The following FLVCR2 variants were observed in gnomAD, a reference collection of about 807,000 sequenced individuals.
FLVCR2 encodes the protein FLVCR choline and putative heme transporter 2, also known as choline/ethanolamine transporter FLVCR2.
A neutral mutation model predicts 48.9 loss-of-function variants in FLVCR2; 38 were observed. The observed-to-expected ratio is 0.78, with a 90% CI of 0.60 to 1.02. The LOEUF (loss-of-function observed/expected upper bound fraction) is 1.02, where lower values mean the gene tolerates loss of function less well. FLVCR2 is among the 50% of genes least tolerant of loss of function. FLVCR2 has a pLI of 0.00. For missense variants in FLVCR2, 664 were observed against 663.3 expected (o/e 1.00, Z -0.01); for synonymous variants, 255 against 257.0 (o/e 0.99, Z 0.07).
At chr14:75,640,796 G>A in intron 6 of FLVCR2, 159 bp from the exon 7 acceptor site, 4 of 689,328 alleles carry the variant, frequency 5.8e-6, no homozygotes, top group South Asian at 4.6e-5. Context: ...CGTCTCCTTG[G>A]TATGATCACA....
intron 5 of FLVCR2, among the ~76,000 whole-genome samples, chr14:75,636,166 A>G (rs1890163643): frequency 6.6e-6 from 1 of 152,134 alleles, no homozygotes; most frequent in Non-Finnish European, 1.5e-5. Context: ...TGCTCTGTCA[A>G]GGCCTCCAAA....
At position 75,642,759 on chromosome 14, in the gene FLVCR2, C is replaced by T. The variant is rs536871585; in HGVS notation, c.1509+861C>T. Reference sequence around the variant, plus strand: ...TGTCTGTATCCACTTATAATATATACGTGGATATATGAATGTGTGTATATA... The same window carrying T: ...TGTCTGTATCCACTTATAATATATATGTGGATATATGAATGTGTGTATATA... On this transcript the variant is annotated intron_variant, in intron 9 of 9. Coordinates refer to ENST00000238667, the MANE Select transcript of FLVCR2 (RefSeq NM_017791.3). Among the ~76,000 whole-genome samples, 17 of 152,248 alleles carry T rather than the reference C, an allele frequency of 1.1e-4. No homozygotes were observed. The East Asian group carries it at 2.7e-3, about 24-fold the overall frequency.
intron 1 of FLVCR2, among the ~76,000 whole-genome samples, chr14:75,613,248 A>G (rs184126171): frequency 6.6e-6 from 1 of 152,160 alleles, no homozygotes; most frequent in East Asian, 1.9e-4. Flanking sequence ...TACAGGAAGC[A>G]TGGTGCCAGC....
intron 6 of FLVCR2, among the ~76,000 whole-genome samples, chr14:75,639,853 C>T (rs939244369): frequency 3.1e-4 from 47 of 152,152 alleles, no homozygotes; most frequent in African/African-American, 1.0e-3. Flanking sequence ...CATTCTGAGC[C>T]TCAATTTCCT....
intron 6 of FLVCR2, among the ~76,000 whole-genome samples, chr14:75,640,405 T>G (rs1314246278): frequency 6.7e-6 from 1 of 148,396 alleles, no homozygotes; most frequent in African/African-American, 2.5e-5. Flanking sequence ...ATATGAGTGT[T>G]TGTGTGTGTG....
At position 75,589,362 on chromosome 14, in the gene FLVCR2, C is replaced by T. The variant is rs189726742; in HGVS notation, c.669+9721C>T. Among the ~76,000 whole-genome samples, 29 of 152,278 alleles carry T rather than the reference C, an allele frequency of 1.9e-4. No homozygotes were observed. The East Asian group carries it at 2.3e-3, about 12-fold the overall frequency. On this transcript the variant is annotated intron_variant, in intron 1 of 9. Coordinates refer to ENST00000238667, the MANE Select transcript of FLVCR2 (RefSeq NM_017791.3). The stretch of plus-strand genomic sequence containing the variant: ...GGTCCCAATTAAGTCCAAAACTCAA[C>T]GGGGAAAACAACATTAAGTCTTAAA...
intron 8 of FLVCR2, 68 bp downstream of exon 8, chr14:75,641,361 G>A (rs928752869): frequency 3.0e-6 from 3 of 987,202 alleles, no homozygotes; most frequent in East Asian, 2.4e-5. Context: ...TCTCGATGGA[G>A]CAACAGATAG....
intron 3 of FLVCR2, among the ~76,000 whole-genome samples, chr14:75,628,453 C>T (rs1478891133): frequency 1.3e-5 from 2 of 152,216 alleles, no homozygotes; most frequent in Non-Finnish European, 2.9e-5. Flanking sequence ...CCCAGTCCTC[C>T]TAATCCCCTT....
At chr14:75,638,007 A>T (rs1235472197) in intron 5 of FLVCR2, among the ~76,000 whole-genome samples, 1 of 152,134 alleles carries the variant, frequency 6.6e-6, no homozygotes, top group African/African-American at 2.4e-5. Flanking sequence ...GACACAGGGA[A>T]ATGTAACAGG....
rs139495418 is a variant in FLVCR2, at chr14:75,641,863, C to T, written c.1474C>T (p.Arg492Trp). 86 of 1,614,096 alleles carry T rather than the reference C, an allele frequency of 5.3e-5. No homozygotes were observed. The highest frequency in any genetic ancestry group is 1.3e-4 in the South Asian group (12 of 91,080). Residue 492 changes from arginine to tryptophan, a missense_variant, in exon 9 of 10, where the codon CGG (arginine) becomes TGG (tryptophan). Coordinates refer to ENST00000238667, the MANE Select transcript of FLVCR2 (RefSeq NM_017791.3). ...ALTAFIKADL[R>W]RQKANKETLE... ...CTTAGCATTCATTAAGGCAGATCTC[C>T]GGAGACAGAAAGCAAACAAAGAAAC...
At chr14:75,630,288 G>C (rs72723673) in intron 3 of FLVCR2, among the ~76,000 whole-genome samples, 11,379 of 152,192 alleles carry the variant, frequency 0.075, 509 homozygotes, top group South Asian at 0.15. Context: ...GTCTTGAAGC[G>C]CCTTCCCATC....
At chr14:75,593,856 AC>A (rs1810980659) in intron 1 of FLVCR2, among the ~76,000 whole-genome samples, 1 of 152,186 alleles carries the variant, frequency 6.6e-6, no homozygotes, top group Non-Finnish European at 1.5e-5. Flanking sequence ...TTTTTCTCCT[AC>A]GGACACTTTT....
At chr14:75,628,206 C>T (rs577524824) in intron 3 of FLVCR2, among the ~76,000 whole-genome samples, 4 of 152,228 alleles carry the variant, frequency 2.6e-5, no homozygotes, top group Admixed American at 2.6e-4. Flanking sequence ...CCTCCACCTT[C>T]CAGGTTTGAG....
At chr14:75,591,179 A>G (rs2160143) in intron 1 of FLVCR2, among the ~76,000 whole-genome samples, 58,491 of 152,032 alleles carry the variant, frequency 0.38, 13,222 homozygotes, top group East Asian at 0.65. Context: ...AAGTAGCTGG[A>G]ACCACAGGCC....
chr14:75,632,612 G>A (rs1192706649), intron 3 of FLVCR2: 10 of 702,196 alleles, frequency 1.4e-5, no homozygotes, highest in Non-Finnish European at 2.1e-5. Flanking sequence ...GGGTTCTATG[G>A]ATTGGTTCCA....
At chr14:75,645,263 T>C (rs1463380205) in intron 9 of FLVCR2, among the ~76,000 whole-genome samples, 1 of 152,216 alleles carries the variant, frequency 6.6e-6, no homozygotes, top group Non-Finnish European at 1.5e-5. Flanking sequence ...AAGCACCATT[T>C]GTCCACTTGA....
intron 1 of FLVCR2, 50 bp downstream of exon 1, chr14:75,579,691 C>T: frequency 6.3e-7 from 1 of 1,583,190 alleles, no homozygotes; most frequent in South Asian, 1.1e-5. Context: ...TTAGATTGCA[C>T]CTAACTATTG....
At chr14:75,629,840 C>G (rs573719451) in intron 3 of FLVCR2, among the ~76,000 whole-genome samples, 1 of 152,342 alleles carries the variant, frequency 6.6e-6, no homozygotes, top group African/African-American at 2.4e-5. Flanking sequence ...TGCAGTGCCT[C>G]TGGCATCTGA....
chr14:75,618,337 G>C (rs940155904), intron 1 of FLVCR2, among the ~76,000 whole-genome samples: 3 of 152,128 alleles, frequency 2.0e-5, no homozygotes, highest in African/African-American at 7.2e-5. Flanking sequence ...ATAAAAACGG[G>C]GTTGGTACTG....
Sources: allele counts gnomAD v4.1 joint callset (sites outside exome capture counted in the v4.1 genomes callset), GRCh38; gene constraint gnomAD v4.1.1; transcripts MANE v1.5; gene names NCBI Gene and HGNC (gene_info 2026-07-23, HGNC 2026-07-21).